The following TGFA variants were observed in gnomAD, a reference collection of about 807,000 sequenced individuals.
TGFA encodes the protein protransforming growth factor alpha.
TGFA carries 12 observed loss-of-function variants against 21.7 expected under a neutral mutation model. The observed-to-expected ratio is 0.55, with a 90% CI of 0.35 to 0.90. The LOEUF is 0.90. Ranked by LOEUF, TGFA falls within the 40% of genes least tolerant of loss-of-function variation. The pLI, the probability that TGFA is intolerant of heterozygous loss-of-function variation, is 0.01. For synonymous variants in TGFA, 79 were observed against 88.1 expected, an observed-to-expected ratio of 0.90 and a Z score of 0.58; for missense variants, 178 against 210.8, an observed-to-expected ratio of 0.84 and a Z score of 0.96.
At chr2:70,543,032 G>C (rs1391568247) in intron 1 of TGFA, among the ~76,000 whole-genome samples, 1 of 152,012 alleles carries the variant, frequency 6.6e-6, no homozygotes, top group Non-Finnish European at 1.5e-5. Flanking sequence ...GAACCCGGGA[G>C]GTGGAGGTTG....
At chr2:70,481,574 A>G (rs537351744) in intron 2 of TGFA, among the ~76,000 whole-genome samples, 2 of 152,080 alleles carry the variant, frequency 1.3e-5, no homozygotes, top group South Asian at 2.1e-4. Flanking sequence ...GTAGCTCCCA[A>G]TGATCCCTAC....
chr2:70,514,775 G>T, intron 2 of TGFA, 84 bp downstream of exon 2: 1 of 1,438,114 alleles, frequency 7.0e-7, no homozygotes, highest in Non-Finnish European at 9.7e-7. Context: ...AGGAGGCCAG[G>T]GAGGGAGCTC....
At chr2:70,550,169 C>T (rs782786722) in intron 1 of TGFA, among the ~76,000 whole-genome samples, 6 of 152,224 alleles carry the variant, frequency 3.9e-5, no homozygotes, top group South Asian at 2.1e-4. Flanking sequence ...TTTAGGTCCA[C>T]ATTCGGTCCT....
intron 5 of TGFA, among the ~76,000 whole-genome samples, 178 bp from the exon 6 acceptor site, chr2:70,451,044 G>A (rs3732248): frequency 0.23 from 35,396 of 151,886 alleles, 4,432 homozygotes; most frequent in East Asian, 0.29. Flanking sequence ...CTCTGACCTA[G>A]TACTTTCAGT....
rs554373418 is a variant in TGFA at position 70,532,364 on chromosome 2, A to G, written c.41-17452T>C. Among the ~76,000 whole-genome samples the G allele has an allele frequency of 7.2e-3, 1,099 of 152,310 alleles. 7 individuals carry two copies. The highest frequency in any genetic ancestry group is 0.011 in the Non-Finnish European group (747 of 68,022). On this transcript the variant is annotated intron_variant, in intron 1 of 5. Coordinates refer to ENST00000295400, the MANE Select transcript of TGFA (RefSeq NM_003236.4). ...AGTTAATGACTTTATCTTCACGGCC[A>G]AGCAGGGAGGCCATTCATCTACTTT...
At chr2:70,518,498 C>T (rs1672354665) in intron 1 of TGFA, among the ~76,000 whole-genome samples, 1 of 152,138 alleles carries the variant, frequency 6.6e-6, no homozygotes, top group African/African-American at 2.4e-5. Flanking sequence ...AGGAGGCTCA[C>T]CCATTTAGCT....
intron 1 of TGFA, among the ~76,000 whole-genome samples, chr2:70,550,921 C>G (rs536098280): frequency 2.0e-5 from 3 of 152,332 alleles, no homozygotes; most frequent in East Asian, 3.9e-4. Context: ...CAGAAATTAC[C>G]TAGGTAGGTT....
At chr2:70,516,198 G>T (rs1672272337) in intron 1 of TGFA, among the ~76,000 whole-genome samples, 1 of 152,222 alleles carries the variant, frequency 6.6e-6, no homozygotes, top group Non-Finnish European at 1.5e-5. Context: ...GTGCCGAGGG[G>T]CTGGGCCTCT....
At chr2:70,468,816 C>T (rs144153331) in intron 2 of TGFA, among the ~76,000 whole-genome samples, 119 of 152,268 alleles carry the variant, frequency 7.8e-4, no homozygotes, top group African/African-American at 2.6e-3. Flanking sequence ...CCCGATTCTA[C>T]ATTATGGTGA....
intron 2 of TGFA, among the ~76,000 whole-genome samples, chr2:70,500,831 G>A (rs571357615): frequency 6.6e-6 from 1 of 152,112 alleles, no homozygotes; most frequent in Admixed American, 6.6e-5. Context: ...CAGATGGATG[G>A]CTTGCAAATA....
At position 70,533,160 on chromosome 2, in the gene TGFA, C is replaced by T. The variant is rs143099683; in HGVS notation, c.41-18248G>A. 8.1e-3 allele frequency among the ~76,000 whole-genome samples: 1,234 copies of T among 152,260 alleles called. 14 individuals are homozygous for T. The highest frequency in any genetic ancestry group is 0.029 in the African/African-American group (1,186 of 41,516). On this transcript the variant is annotated intron_variant, in intron 1 of 5. Coordinates refer to ENST00000295400, the MANE Select transcript of TGFA (RefSeq NM_003236.4). Reference sequence around the variant, plus strand: ...TACAGGCGTGAGCCGCCACGCCCAGCGGTTTATTTTCTTTACTGCTGGAAA... The same window carrying T: ...TACAGGCGTGAGCCGCCACGCCCAGTGGTTTATTTTCTTTACTGCTGGAAA...
chr2:70,530,826 G>A (rs929860735), intron 1 of TGFA, among the ~76,000 whole-genome samples: 9 of 152,334 alleles, frequency 5.9e-5, no homozygotes, highest in African/African-American at 2.2e-4. Flanking sequence ...AAGCAAACAG[G>A]CTCGGTGCTG....
At chr2:70,522,928 G>T (rs1574130436) in intron 1 of TGFA, among the ~76,000 whole-genome samples, 2 of 152,296 alleles carry the variant, frequency 1.3e-5, no homozygotes, top group South Asian at 4.1e-4. Context: ...CTATGAGAAA[G>T]GATCCTTCCA....
chr2:70,470,447 G>A lies in TGFA; in HGVS notation c.95-4711C>T, dbSNP rs534316369. Among the ~76,000 whole-genome samples, 4 of 152,314 alleles carry A rather than the reference G, an allele frequency of 2.6e-5. No homozygotes were observed. In the South Asian group the frequency reaches 8.3e-4, roughly 32 times the overall value. ...GTTCTGCACAAGCTGGACAGGCTCA[G>A]CTTTCCCTAAGTCTGTGGTTGGAGA... On this transcript the variant is annotated intron_variant, in intron 2 of 5. Coordinates refer to ENST00000295400, the MANE Select transcript of TGFA (RefSeq NM_003236.4).
chr2:70,553,208 A>T (rs1553507093), intron 1 of TGFA: 1 of 1,536,172 alleles, frequency 6.5e-7, no homozygotes, highest in East Asian at 2.4e-5. Context: ...AGCTCTGAAA[A>T]GAGATCGAGG....
chr2:70,548,256 C>G (rs1430087419), intron 1 of TGFA, among the ~76,000 whole-genome samples: 1 of 152,112 alleles, frequency 6.6e-6, no homozygotes, highest in East Asian at 1.9e-4. Flanking sequence ...CTTATTGGTC[C>G]CTGCTGAGGC....
At chr2:70,458,751 T>A (rs1328119290) in intron 3 of TGFA, among the ~76,000 whole-genome samples, 1 of 152,104 alleles carries the variant, frequency 6.6e-6, no homozygotes, top group Non-Finnish European at 1.5e-5. Flanking sequence ...CTTCCATAGC[T>A]CACTTGGATC....
intron 1 of TGFA, among the ~76,000 whole-genome samples, chr2:70,520,248 C>T (rs1672405943): frequency 6.6e-6 from 1 of 152,072 alleles, no homozygotes; most frequent in African/African-American, 2.4e-5. Context: ...CCCGGGGTCG[C>T]CCAGCTGCAG....
At chr2:70,545,640 TA>T (rs1673280233) in intron 1 of TGFA, among the ~76,000 whole-genome samples, 2 of 152,078 alleles carry the variant, frequency 1.3e-5, no homozygotes, top group African/African-American at 2.4e-5. Context: ...ATGAGATCAC[TA>T]AAGAATTACA....
Sources: gnomAD v4.1 joint callset for allele counts (sites outside exome capture counted in the v4.1 genomes callset) on GRCh38, gnomAD v4.1.1 for gene constraint, MANE v1.5 for transcripts, NCBI Gene and HGNC (gene_info 2026-07-23, HGNC 2026-07-21) for gene names.